TNFSF4: variants seen among roughly 807,000 people sequenced by gnomAD.
TNFSF4 encodes the protein tumor necrosis factor ligand superfamily member 4.
A neutral mutation model predicts 7.3 loss-of-function variants in TNFSF4; 4 were observed. The observed-to-expected ratio is 0.55, with a 90% CI of 0.27 to 1.25. TNFSF4 has a LOEUF of 1.25. Ranked by LOEUF, TNFSF4 falls within the 50% of genes most tolerant of loss-of-function variation. The probability of loss-of-function intolerance (pLI) is 0.12; values close to 1 mark genes in which losing one functional copy is unlikely to be tolerated. For missense variants in TNFSF4, 181 were observed against 208.8 expected (o/e 0.87, Z 0.82); for synonymous variants, 76 against 83.7 (o/e 0.91, Z 0.50).
chr1:173,362,830 C>G, the TNFSF4 span: 1 of 436,128 alleles, frequency 2.3e-6, no homozygotes, highest in Non-Finnish European at 4.5e-6. Flanking sequence ...CAATGCAAGA[C>G]AAGCTGAACA....
At chr1:173,232,425 T>G in the TNFSF4 span, among the ~76,000 whole-genome samples, 1 of 152,180 alleles carries the variant, frequency 6.6e-6, no homozygotes, top group Non-Finnish European at 1.5e-5. Flanking sequence ...CAGGGACAAT[T>G]TGACTTCCTC....
the TNFSF4 span, among the ~76,000 whole-genome samples, chr1:173,244,651 C>CAA: frequency 7.3e-6 from 1 of 137,288 alleles, no homozygotes; most frequent in East Asian, 2.1e-4. Context: ...CAAAAAAAAA[C>CAA]AAAAAACAAA....
At chr1:173,174,205 T>C in the TNFSF4 span, 1 of 152,220 alleles carries the variant, frequency 6.6e-6, no homozygotes, top group Non-Finnish European at 1.5e-5. Context: ...CTCATCTCCA[T>C]CTGAGACCAC....
At chr1:173,333,056 G>T in the TNFSF4 span, among the ~76,000 whole-genome samples, 1 of 152,120 alleles carries the variant, frequency 6.6e-6, no homozygotes, top group East Asian at 1.9e-4. Context: ...GCGATATCAC[G>T]CAGTGGCCAG....
the TNFSF4 span, among the ~76,000 whole-genome samples, chr1:173,434,234 C>G: frequency 1.3e-5 from 2 of 152,336 alleles, no homozygotes; most frequent in East Asian, 3.9e-4. Flanking sequence ...AATTACTTTA[C>G]CTTCCCTTAT....
At chr1:173,423,138 A>T in the TNFSF4 span, among the ~76,000 whole-genome samples, 1 of 152,062 alleles carries the variant, frequency 6.6e-6, no homozygotes, top group South Asian at 2.1e-4. Context: ...CTTGCAAATA[A>T]ATTCATTCTC....
At chr1:173,225,690 A>G in the TNFSF4 span, among the ~76,000 whole-genome samples, 1 of 152,214 alleles carries the variant, frequency 6.6e-6, no homozygotes, top group South Asian at 2.1e-4. Context: ...GCTTCCCTTA[A>G]TAATTCCTGG....
At chr1:173,379,001 C>T in the TNFSF4 span, among the ~76,000 whole-genome samples, 21 of 150,494 alleles carry the variant, frequency 1.4e-4, no homozygotes, top group Admixed American at 6.6e-4. Flanking sequence ...GCAGACCTGG[C>T]GAAGCTTTCA....
chr1:173,319,450 A>G, the TNFSF4 span, among the ~76,000 whole-genome samples: 1 of 152,156 alleles, frequency 6.6e-6, no homozygotes, highest in Non-Finnish European at 1.5e-5. Context: ...GCTGACTCTG[A>G]AGAGAGCAGC....
downstream of TNFSF4, among the ~76,000 whole-genome samples, chr1:173,179,003 T>C (rs1167495113): frequency 1.3e-5 from 2 of 152,186 alleles, no homozygotes; most frequent in African/African-American, 2.4e-5. Context: ...CTCTAGAATC[T>C]GGAACTAGCA....
the TNFSF4 span, among the ~76,000 whole-genome samples, chr1:173,265,744 A>G: frequency 3.9e-5 from 6 of 152,100 alleles, no homozygotes; most frequent in African/African-American, 9.7e-5. Context: ...ATTCATTTCA[A>G]TTCGACTGGG....
chr1:173,423,383 C>T, the TNFSF4 span, among the ~76,000 whole-genome samples: 1 of 152,110 alleles, frequency 6.6e-6, no homozygotes, highest in African/African-American at 2.4e-5. Flanking sequence ...CCTTCAAGAC[C>T]CTGCTTGAAT....
chr1:173,320,773 A>G, the TNFSF4 span, among the ~76,000 whole-genome samples: 1 of 152,212 alleles, frequency 6.6e-6, no homozygotes, highest in African/African-American at 2.4e-5. Context: ...ATTATAAAGG[A>G]TGTGAAGGAC....
At chr1:173,360,423 TTAAAA>T in the TNFSF4 span, among the ~76,000 whole-genome samples, 2 of 152,222 alleles carry the variant, frequency 1.3e-5, no homozygotes, top group Non-Finnish European at 2.9e-5. Context: ...AAGCATGTTG[TTAAAA>T]TAAATATGAC....
downstream of TNFSF4, among the ~76,000 whole-genome samples, chr1:173,179,721 A>C (rs1649017180): frequency 6.6e-6 from 1 of 152,244 alleles, no homozygotes; most frequent in South Asian, 2.1e-4. Flanking sequence ...AAGTGATAAG[A>C]TATAAAATGA....
chr1:173,265,659 C>T, the TNFSF4 span, among the ~76,000 whole-genome samples: 1 of 152,186 alleles, frequency 6.6e-6, no homozygotes, highest in Non-Finnish European at 1.5e-5. Context: ...CACCCACACA[C>T]TCTGTCTATG....
At chr1:173,274,453 A>G in the TNFSF4 span, among the ~76,000 whole-genome samples, 11 of 152,200 alleles carry the variant, frequency 7.2e-5, no homozygotes, top group Non-Finnish European at 1.3e-4. Flanking sequence ...ATAATTGCAA[A>G]AGATATTGCC....
At chr1:173,348,084 T>C in the TNFSF4 span, among the ~76,000 whole-genome samples, 351 of 152,310 alleles carry the variant, frequency 2.3e-3, 5 homozygotes, top group African/African-American at 8.1e-3. Flanking sequence ...GCTTGAAATA[T>C]GTAGAAAAGG....
At chr1:173,341,941 T>C in the TNFSF4 span, among the ~76,000 whole-genome samples, 3 of 152,164 alleles carry the variant, frequency 2.0e-5, no homozygotes, top group African/African-American at 4.8e-5. Flanking sequence ...AAGTACCCTC[T>C]AGATTCCTGC....
Sources: allele counts gnomAD v4.1 joint callset (sites outside exome capture counted in the v4.1 genomes callset), GRCh38; gene constraint gnomAD v4.1.1; transcripts MANE v1.5; gene names NCBI Gene and HGNC (gene_info 2026-07-23, HGNC 2026-07-21).